AOPEP: variants seen among roughly 807,000 people sequenced by gnomAD.
The protein encoded by AOPEP is aminopeptidase O.
Under a neutral mutation model 98.1 loss-of-function variants are expected in AOPEP, and 77 were observed. The observed-to-expected ratio is 0.78, with a 90% CI of 0.65 to 0.95. AOPEP has a LOEUF of 0.95. Ranked by LOEUF, AOPEP falls within the 40% of genes least tolerant of loss-of-function variation. The pLI is 0.00. For missense variants in AOPEP, 1,024 were observed against 1,024.7 expected (o/e 1.00, Z 0.01); for synonymous variants, 346 against 365.3 (o/e 0.95, Z 0.60).
At chr9:95,089,755 C>T (rs374221000), downstream of AOPEP, among the ~76,000 whole-genome samples, 27 of 152,210 alleles carry the variant, frequency 1.8e-4, no homozygotes, top group East Asian at 2.5e-3. Flanking sequence ...AGTGCTGTTT[C>T]CCAGCCTCAG....
chr9:95,072,647 T>A (rs970791454), intron 14 of AOPEP, among the ~76,000 whole-genome samples: 1 of 152,086 alleles, frequency 6.6e-6, no homozygotes, highest in Non-Finnish European at 1.5e-5. Flanking sequence ...AATATTATTT[T>A]AAAAAAGAGA....
chr9:94,815,122 TG>T (rs1029362171), intron 5 of AOPEP, among the ~76,000 whole-genome samples: 3 of 152,192 alleles, frequency 2.0e-5, no homozygotes, highest in Non-Finnish European at 4.4e-5. Context: ...ATGGATCTCC[TG>T]TCATTCCGAG....
the AOPEP span, chr9:95,124,001 G>T: frequency 1.2e-5 from 4 of 335,200 alleles, no homozygotes; most frequent in Non-Finnish European, 2.3e-5. Context: ...TACACGCAGG[G>T]GCTGAAGTGT....
chr9:95,044,305 T>A (rs184336275), intron 13 of AOPEP, among the ~76,000 whole-genome samples: 1 of 151,446 alleles, frequency 6.6e-6, no homozygotes, highest in Non-Finnish European at 1.5e-5. Flanking sequence ...GAATCACTGC[T>A]AATGGGCACA....
chr9:94,961,629 T>C (rs751461629), intron 9 of AOPEP, among the ~76,000 whole-genome samples: 7 of 152,254 alleles, frequency 4.6e-5, no homozygotes, highest in Non-Finnish European at 1.0e-4. Context: ...GAAATCTCTA[T>C]GTTCTTTTCA....
At chr9:95,010,019 T>C (rs2062375139) in intron 13 of AOPEP, among the ~76,000 whole-genome samples, 1 of 152,190 alleles carries the variant, frequency 6.6e-6, no homozygotes. Context: ...CATTTGTTCC[T>C]TGTACATACT....
At chr9:94,763,200 A>G in intron 2 of AOPEP, 1 of 400,416 alleles carries the variant, frequency 2.5e-6, no homozygotes, top group South Asian at 2.0e-5. Context: ...ACTTTTTTTG[A>G]ATTTGATCTT....
intron 11 of AOPEP, among the ~76,000 whole-genome samples, chr9:94,984,035 AT>A (rs11334862): frequency 0.08 from 11,437 of 142,540 alleles, 1,015 homozygotes; most frequent in African/African-American, 0.23. Context: ...TGAGGAGCTA[AT>A]TTTTTTTTTT....
chr9:94,842,621 A>G (rs1158322497), intron 5 of AOPEP, among the ~76,000 whole-genome samples: 1 of 152,172 alleles, frequency 6.6e-6, no homozygotes, highest in Non-Finnish European at 1.5e-5. Context: ...CCAGATATTT[A>G]CCATTTCTGT....
chr9:94,857,661 C>A (rs7026714), intron 5 of AOPEP, among the ~76,000 whole-genome samples: 126,315 of 152,162 alleles, frequency 0.83, 54,685 homozygotes, highest in Non-Finnish European at 0.94. Context: ...AGTGAGTTAA[C>A]GGTATTTCAA....
At chr9:95,040,409 G>C (rs1197589443) in intron 13 of AOPEP, among the ~76,000 whole-genome samples, 1 of 152,260 alleles carries the variant, frequency 6.6e-6, no homozygotes, top group Admixed American at 6.5e-5. Context: ...TAAAGTGGAT[G>C]ATCAGACACA....
At chr9:95,098,455 G>A in the AOPEP span, among the ~76,000 whole-genome samples, 3 of 152,222 alleles carry the variant, frequency 2.0e-5, no homozygotes, top group Admixed American at 1.3e-4. Flanking sequence ...CCAGTGAGAG[G>A]CTCCTCAGGA....
At chr9:95,082,792 A>G (rs2069990201) in intron 16 of AOPEP, 73 bp downstream of exon 16, 14 of 1,546,314 alleles carry the variant, frequency 9.1e-6, no homozygotes, top group Non-Finnish European at 1.2e-5. Flanking sequence ...CTAAATCAGT[A>G]AGCCGAATAG....
At chr9:94,891,901 A>G (rs1179381049) in intron 5 of AOPEP, among the ~76,000 whole-genome samples, 1 of 152,180 alleles carries the variant, frequency 6.6e-6, no homozygotes, top group African/African-American at 2.4e-5. Flanking sequence ...TGGGTCTGCT[A>G]GCAACAATTT....
At chr9:94,780,716 T>G (rs1030572615) in intron 3 of AOPEP, among the ~76,000 whole-genome samples, 4 of 152,254 alleles carry the variant, frequency 2.6e-5, no homozygotes, top group Non-Finnish European at 4.4e-5. Flanking sequence ...TTTTCTCGAT[T>G]GGCAGATTGG....
chr9:95,111,482 T>G, the AOPEP span: 43 of 1,613,662 alleles, frequency 2.7e-5, no homozygotes, highest in Non-Finnish European at 3.6e-5. Flanking sequence ...TGCTCTCTGC[T>G]GCCTCCCATC....
intron 5 of AOPEP, among the ~76,000 whole-genome samples, chr9:94,823,069 T>C (rs1175725653): frequency 6.6e-6 from 1 of 152,078 alleles, no homozygotes; most frequent in Middle Eastern, 3.2e-3. Flanking sequence ...CAATCTCGGC[T>C]CATCGCAACT....
chr9:94,782,638 A>C (rs6479567), intron 3 of AOPEP, among the ~76,000 whole-genome samples: 1,911 of 152,356 alleles, frequency 0.013, 45 homozygotes, highest in African/African-American at 0.044. Flanking sequence ...GGCATTTAGG[A>C]ATGGTTATGA....
chr9:94,907,521 G>A lies in AOPEP; in HGVS notation c.1365-16465G>A, dbSNP rs192896136. ...AGAGTCATGCATCAGGTTGTTTTCC[G>A]CGGGGAAAGGTGTAAGGAGGAAAGG... On this transcript the variant is annotated intron_variant, in intron 5 of 16. Coordinates refer to ENST00000375315, the MANE Select transcript of AOPEP (RefSeq NM_001193329.3). Among the ~76,000 whole-genome samples the A allele has an allele frequency of 1.7e-3, 263 of 152,146 alleles. 1 individual carries two copies. Among genetic ancestry groups the A allele is most frequent in the African/African-American group, 5.5e-3 (228 of 41,518 alleles).
Sources: gnomAD v4.1 joint callset for allele counts (sites outside exome capture counted in the v4.1 genomes callset) on GRCh38, gnomAD v4.1.1 for gene constraint, MANE v1.5 for transcripts, NCBI Gene and HGNC (gene_info 2026-07-23, HGNC 2026-07-21) for gene names.